The following SNX27 variants were observed in gnomAD, a reference collection of about 807,000 sequenced individuals.
The protein encoded by SNX27 is sorting nexin-27.
Under a neutral mutation model 71.6 loss-of-function variants are expected in SNX27, and 22 were observed. The observed-to-expected ratio is 0.31, with a 90% CI of 0.22 to 0.44. The LOEUF (loss-of-function observed/expected upper bound fraction) is 0.44. SNX27 is among the 20% of genes least tolerant of loss of function. The pLI is 1.00. For synonymous variants in SNX27, 269 were observed against 277.2 expected (o/e 0.97, Z 0.29); for missense variants, 531 against 698.6 (o/e 0.76, Z 2.70).
Position 151,612,577 on chromosome 1 carries a change from T to G in SNX27, c.311+65T>G. 8.8e-7 allele frequency: 1 copy of G among 1,141,270 alleles called. No homozygotes were observed. Among genetic ancestry groups the G allele is most frequent in the Non-Finnish European group, 1.1e-6 (1 of 902,002 alleles). 70.7% of individuals were successfully genotyped at this position (1,141,270 alleles called of 1,614,324 possible). On this transcript the variant is annotated intron_variant, in intron 1 of 11. Transcript: ENST00000458013. This position sits in a 1 kb window ranked among gnomAD's most constrained non-coding sequence, Gnocchi z 5.2. ...CCCCTCCTGCCCCTGCACTCCTCGCTACCCTTGTCACCCCCAGGCCGCACC... is the reference window on the plus strand; with the variant it reads ...CCCCTCCTGCCCCTGCACTCCTCGCGACCCTTGTCACCCCCAGGCCGCACC...
At chr1:151,627,524 TTCCAACCTACTAACTGATTTTTAAAA>T (rs1667998368) in intron 1 of SNX27, among the ~76,000 whole-genome samples, 1 of 152,240 alleles carries the variant, frequency 6.6e-6, no homozygotes, top group Non-Finnish European at 1.5e-5. Flanking sequence ...TCTGGGATTC[TTCCAACCTACTAACTGATTTTTAAAA>T]TATTTGCATA....
At chr1:151,665,860 C>A in intron 5 of SNX27, 73 bp from the exon 6 acceptor site, 1 of 1,272,980 alleles carries the variant, frequency 7.9e-7, no homozygotes, top group Non-Finnish European at 1.1e-6. Context: ...CCTCCACAGA[C>A]ATACACCTGC....
At chr1:151,629,444 T>A in intron 1 of SNX27, 1 of 135,608 alleles carries the variant, frequency 7.4e-6, no homozygotes, top group Admixed American at 8.0e-5. Context: ...CGCACATATA[T>A]ACACATGTAT....
chr1:151,682,840 G>A (rs1671029934), intron 7 of SNX27, among the ~76,000 whole-genome samples: 1 of 152,142 alleles, frequency 6.6e-6, no homozygotes, highest in Non-Finnish European at 1.5e-5. Flanking sequence ...TTGGAGACTA[G>A]GCTGGCCAAT....
At chr1:151,692,385 C>A in intron 8 of SNX27, 50 bp from the exon 9 acceptor site, 1 of 1,475,618 alleles carries the variant, frequency 6.8e-7, no homozygotes, top group Non-Finnish European at 8.9e-7. Flanking sequence ...CCATAGTAAC[C>A]CTGTTTCCTG....
At chr1:151,691,708 G>T (rs1210528518) in intron 8 of SNX27, among the ~76,000 whole-genome samples, 2 of 151,890 alleles carry the variant, frequency 1.3e-5, no homozygotes, top group Non-Finnish European at 2.9e-5. Flanking sequence ...TCGAGACGGG[G>T]TTTCACTGTG....
intron 5 of SNX27, among the ~76,000 whole-genome samples, chr1:151,665,303 A>C (rs1670143085): frequency 6.6e-6 from 1 of 152,154 alleles, no homozygotes; most frequent in Non-Finnish European, 1.5e-5. Flanking sequence ...ATTCTTGTTT[A>C]ATATGCCTTT....
intron 2 of SNX27, among the ~76,000 whole-genome samples, chr1:151,646,903 A>ACG (rs1553258519): frequency 1.3e-5 from 2 of 148,454 alleles, no homozygotes; most frequent in African/African-American, 5.0e-5. Flanking sequence ...ACACACACAC[A>ACG]AACAAACACA....
chr1:151,671,227 A>G (rs1571852349), intron 7 of SNX27, among the ~76,000 whole-genome samples: 1 of 146,696 alleles, frequency 6.8e-6, no homozygotes, highest in African/African-American at 2.5e-5. Context: ...TGATTCCTCC[A>G]GTTTTGTTCT....
chr1:151,652,518 C>T (rs1669461766), intron 2 of SNX27, among the ~76,000 whole-genome samples: 1 of 150,790 alleles, frequency 6.6e-6, no homozygotes, highest in Non-Finnish European at 1.5e-5. Flanking sequence ...ACGCAATTCT[C>T]CTGCCTTAGC....
At chr1:151,641,629 A>ATATATATATATATC (rs1195933776) in intron 2 of SNX27, among the ~76,000 whole-genome samples, 3 of 120,078 alleles carry the variant, frequency 2.5e-5, no homozygotes, top group Admixed American at 9.1e-5. Context: ...ATATATATAT[A>ATATATATATATATC]TCATATGTAT....
chr1:151,656,814 T>C (rs114316411), intron 2 of SNX27, among the ~76,000 whole-genome samples: 1,602 of 152,280 alleles, frequency 0.011, 28 homozygotes, highest in African/African-American at 0.035. Flanking sequence ...CAAAGACATA[T>C]AATGTTGTGA....
intron 7 of SNX27, among the ~76,000 whole-genome samples, chr1:151,675,326 G>A (rs549983625): frequency 1.3e-5 from 2 of 151,962 alleles, no homozygotes; most frequent in South Asian, 4.2e-4. Context: ...ATCCCTAATT[G>A]GAAGCCCTCT....
chr1:151,683,572 A>C (rs994862751), intron 8 of SNX27, 127 bp downstream of exon 8: 2 of 585,754 alleles, frequency 3.4e-6, no homozygotes, highest in African/African-American at 3.9e-5. Context: ...AAGGAGGGGA[A>C]TAGGGACCTT....
intron 6 of SNX27, among the ~76,000 whole-genome samples, chr1:151,667,764 T>C (rs1670271723): frequency 7.0e-6 from 1 of 142,038 alleles, no homozygotes; most frequent in South Asian, 2.2e-4. Context: ...GAGGCGGAGC[T>C]TGCAGTGAGC....
At chr1:151,653,514 AATTT>A (rs1259035012) in intron 2 of SNX27, among the ~76,000 whole-genome samples, 1 of 151,900 alleles carries the variant, frequency 6.6e-6, no homozygotes, top group Non-Finnish European at 1.5e-5. Flanking sequence ...AAGGTTTTTA[AATTT>A]ATTTATTTTT....
At chr1:151,655,807 A>T (rs936244551) in intron 2 of SNX27, among the ~76,000 whole-genome samples, 3 of 152,214 alleles carry the variant, frequency 2.0e-5, no homozygotes, top group Non-Finnish European at 4.4e-5. Flanking sequence ...TTTAGGGATG[A>T]TTTGATTAAA....
At position 151,696,407 on chromosome 1, in the gene SNX27, G is replaced by T. The variant is rs1671707735; in HGVS notation, c.*1990G>T. 1 of 152,126 alleles carries T rather than the reference G, an allele frequency of 6.6e-6. No homozygotes were observed. The highest frequency in any genetic ancestry group is 6.5e-5 in the Admixed American group (1 of 15,278). The allele number at this position is 152,126 out of a possible 1,614,324, so 9.4% of individuals were successfully genotyped here. A position where few individuals can be genotyped will look rare whatever the true frequency, so the allele number is the denominator to read the frequency against. On this transcript the variant is annotated 3_prime_UTR_variant, in exon 12 of 12. Transcript: ENST00000458013. ...CAATTCTACTAAGCAGTGTTGGGGT[G>T]GTTGGAAAGTCTCTTTTTTGTAATT...
rs1671710204 is a variant in SNX27 at position 151,696,458 on chromosome 1, A to C, written c.*2041A>C. The C allele has an allele frequency of 8.3e-6, 1 of 120,108 alleles. No individual in the cohort carries two copies. Among genetic ancestry groups the C allele is most frequent in the African/African-American group, 3.1e-5 (1 of 32,022 alleles). The allele number at this position is 120,108 out of a possible 1,614,324, so 7.4% of individuals were successfully genotyped here. ...TGTTTTTGCAAATCATTGTGAGGCC[A>C]CTTTTTCTTTCTTTCTTTCTTTCTT... On this transcript the variant is annotated 3_prime_UTR_variant, in exon 12 of 12. Transcript: ENST00000458013.
Sources: allele counts gnomAD v4.1 joint callset (sites outside exome capture counted in the v4.1 genomes callset), GRCh38; gene constraint gnomAD v4.1.1; non-coding constraint Gnocchi (gnomAD v3.1); transcripts MANE v1.5; gene names NCBI Gene and HGNC (gene_info 2026-07-23, HGNC 2026-07-21).